ZNF184: variants seen among roughly 807,000 people sequenced by gnomAD.
The protein encoded by ZNF184 is zinc finger protein 184 (Kruppel-like).
In ZNF184, 16 loss-of-function variants were observed where a neutral mutation model predicts 54.4. The observed-to-expected ratio is 0.29, with a 90% CI of 0.20 to 0.45. The LOEUF (loss-of-function observed/expected upper bound fraction) is 0.45, where lower values mean the gene tolerates loss of function less well. Ranked by LOEUF, ZNF184 falls within the 20% of genes least tolerant of loss-of-function variation. ZNF184 has a pLI of 1.00. For synonymous variants in ZNF184, 254 were observed against 295.3 expected (o/e 0.86, Z 1.43); for missense variants, 681 against 888.2 (o/e 0.77, Z 2.97).
downstream of ZNF184, among the ~76,000 whole-genome samples, chr6:27,449,473 G>A (rs1167795086): frequency 6.6e-6 from 1 of 152,190 alleles, no homozygotes; most frequent in Non-Finnish European, 1.5e-5. Flanking sequence ...TTAATTTGGG[G>A]CCAAGGGTGG....
the ZNF184 span, among the ~76,000 whole-genome samples, chr6:27,440,402 G>C: frequency 9.5e-4 from 144 of 151,988 alleles, 1 homozygote; most frequent in African/African-American, 3.5e-3. Context: ...TGAGATTTGA[G>C]CCTGGATGTA....
the ZNF184 span, among the ~76,000 whole-genome samples, chr6:27,432,969 A>G: frequency 6.6e-6 from 1 of 152,220 alleles, no homozygotes; most frequent in Non-Finnish European, 1.5e-5. This position sits in a 1 kb window ranked among gnomAD's most constrained non-coding sequence, Gnocchi z 4.0. Context: ...CAACCTGTGA[A>G]TCTTTTGGCC....
At chr6:27,406,053 A>T in the ZNF184 span, 1 of 152,242 alleles carries the variant, frequency 6.6e-6, no homozygotes, top group Non-Finnish European at 1.5e-5. Flanking sequence ...ACTAGAGGTT[A>T]ACATAACATC....
chr6:27,431,157 G>A, the ZNF184 span, among the ~76,000 whole-genome samples: 1 of 152,202 alleles, frequency 6.6e-6, no homozygotes, highest in Non-Finnish European at 1.5e-5. Context: ...CCTCAGAACT[G>A]TTGTTCCAGA....
chr6:27,455,461 AT>A (rs1762830689), intron 5 of ZNF184, among the ~76,000 whole-genome samples: 1 of 152,172 alleles, frequency 6.6e-6, no homozygotes, highest in African/African-American at 2.4e-5. Flanking sequence ...GTAAAATTTC[AT>A]TTTTAATTTG....
chr6:27,417,057 T>C, the ZNF184 span, among the ~76,000 whole-genome samples: 140 of 152,320 alleles, frequency 9.2e-4, 1 homozygote, highest in African/African-American at 3.1e-3. Context: ...GAACATCCCC[T>C]TGTTAGAATG....
chr6:27,417,776 A>G, the ZNF184 span, among the ~76,000 whole-genome samples: 1 of 152,232 alleles, frequency 6.6e-6, no homozygotes, highest in South Asian at 2.1e-4. Context: ...ATATTGTTAA[A>G]TAGAAAACCT....
At chr6:27,434,161 C>CA in the ZNF184 span, among the ~76,000 whole-genome samples, 4 of 152,150 alleles carry the variant, frequency 2.6e-5, no homozygotes, top group African/African-American at 9.7e-5. Context: ...GCTAAGACTA[C>CA]ATTTGCTTTC....
At position 27,451,802 on chromosome 6, in the gene ZNF184, T is replaced by C. The variant is rs777245405; in HGVS notation, c.1757A>G (p.Tyr586Cys). 2 of 1,613,920 alleles carry C rather than the reference T, an allele frequency of 1.2e-6. No homozygotes were observed. The highest frequency in any genetic ancestry group is 1.7e-6 in the Non-Finnish European group (2 of 1,179,992). ...TGCTCTCCCACACTCATTACACTTG[T>C]AAGGTCGTTCTCCAGTATGGATCTT... ...HRKIHTGERPYKCNECGRAFN... is the reference protein window; with the variant it reads ...HRKIHTGERPCKCNECGRAFN... The change falls in exon 6 of 6, where the codon TAC becomes TGC. Residue 586 changes from tyrosine to cysteine, a missense_variant. Tyr to Cys is a radical substitution (Grantham distance 194). Coordinates refer to ENST00000683788, the MANE Select transcript of ZNF184 (RefSeq NM_001318891.2).
Position 27,453,038 on chromosome 6 carries a change from C to G in ZNF184, c.521G>C (p.Trp174Ser). 1 of 1,613,984 alleles carries G rather than the reference C, an allele frequency of 6.2e-7. No individual in the cohort carries two copies. Among genetic ancestry groups the G allele is most frequent in the East Asian group, 2.2e-5 (1 of 44,868 alleles). ...TTCATTATTTACAGGGCCTTTTTCC[C>G]AACTGGGTATTGTCTTTTCGGTTAC... The part of the protein sequence containing the change: ...IKVTEKTIPS[W>S]EKGPVNNEFG... The change falls in exon 6 of 6, where the codon TGG becomes TCG. Residue 174 changes from tryptophan (W) to serine (S), a missense_variant. Transcript: ENST00000683788. This position sits in a 1 kb window ranked among gnomAD's most constrained non-coding sequence, Gnocchi z 4.7.
At chr6:27,442,401 C>T in the ZNF184 span, among the ~76,000 whole-genome samples, 113 of 152,176 alleles carry the variant, frequency 7.4e-4, no homozygotes, top group Middle Eastern at 3.4e-3. Context: ...GGGAGGATTA[C>T]CTGAAGCCAG....
chr6:27,409,031 T>A, the ZNF184 span, among the ~76,000 whole-genome samples: 1 of 152,202 alleles, frequency 6.6e-6, no homozygotes, highest in Non-Finnish European at 1.5e-5. Context: ...ACCCTAAAAA[T>A]CTTTTAACAG....
the ZNF184 span, among the ~76,000 whole-genome samples, chr6:27,407,242 T>G: frequency 6.6e-6 from 1 of 151,646 alleles, no homozygotes; most frequent in South Asian, 2.1e-4. Flanking sequence ...GATGATTTTG[T>G]TCAGCAGCAG....
chr6:27,431,650 G>A, the ZNF184 span, among the ~76,000 whole-genome samples: 1 of 152,198 alleles, frequency 6.6e-6, no homozygotes, highest in Non-Finnish European at 1.5e-5. Context: ...GTAACAGTAT[G>A]TCTTGTTCCA....
At position 27,450,873 on chromosome 6, in the gene ZNF184, T is replaced by A. The variant is rs1762695687; in HGVS notation, c.*430A>T. 6.7e-6 allele frequency: 1 copy of A among 149,548 alleles called. No homozygotes were observed. Among genetic ancestry groups the A allele is most frequent in the East Asian group, 2.0e-4 (1 of 5,072 alleles). The allele number at this position is 149,548 out of a possible 1,614,324, so 9.3% of individuals were successfully genotyped here. ...AGTTACCTAAACAATGTAAATGCAT[T>A]AGACCAGGAGCATACTAGATCCCCG... On this transcript the variant is annotated 3_prime_UTR_variant, in exon 6 of 6. Transcript: ENST00000683788.
chr6:27,464,812 C>T lies in ZNF184; in HGVS notation c.75+3041G>A, dbSNP rs1425836943. ...TGGGCGGATCACGAGGTCAGGAGAT[C>T]GAGACCATCCTGGCTAACATGGTGA... On this transcript the variant is annotated intron_variant, in intron 3 of 5. Transcript: ENST00000683788. 3.3e-5 allele frequency among the ~76,000 whole-genome samples: 5 copies of T among 151,424 alleles called. No homozygotes were observed. The South Asian group carries it at 6.3e-4, about 19-fold the overall frequency.
rs1229823320 is a variant in ZNF184 at position 27,472,820 on chromosome 6, T to A, written c.-231A>T. 1 of 153,092 alleles carries A rather than the reference T, an allele frequency of 6.5e-6. No homozygotes were observed. The highest frequency in any genetic ancestry group is 1.5e-5 in the Non-Finnish European group (1 of 68,630). 9.5% of individuals were successfully genotyped at this position (153,092 alleles called of 1,614,324 possible). ...AGGCCAGAACAAAAGAACAAAGCCC[T>A]CCAAGGGATCAGGGCGGGACCGCCC... On this transcript the variant is annotated 5_prime_UTR_variant, in exon 1 of 6. Transcript: ENST00000683788. This position sits in a 1 kb window ranked among gnomAD's most constrained non-coding sequence, Gnocchi z 4.8.
At chr6:27,441,982 A>C in the ZNF184 span, among the ~76,000 whole-genome samples, 1 of 152,326 alleles carries the variant, frequency 6.6e-6, no homozygotes, top group Admixed American at 6.5e-5. Flanking sequence ...AAAATGTGAA[A>C]TTAGTGCAAG....
the ZNF184 span, among the ~76,000 whole-genome samples, chr6:27,430,168 G>T: frequency 3.5e-4 from 54 of 152,220 alleles, no homozygotes; most frequent in Admixed American, 1.2e-3. Context: ...CTTTCACACG[G>T]GGATTTTATC....
Sources: allele counts gnomAD v4.1 joint callset (sites outside exome capture counted in the v4.1 genomes callset), GRCh38; gene constraint gnomAD v4.1.1; non-coding constraint Gnocchi (gnomAD v3.1); transcripts MANE v1.5; gene names NCBI Gene and HGNC (gene_info 2026-07-23, HGNC 2026-07-21).